MBNL2: variants seen among roughly 807,000 people sequenced by gnomAD.
MBNL2 encodes the protein muscleblind like splicing regulator 2.
MBNL2 carries 17 observed loss-of-function variants against 41.9 expected under a neutral mutation model. The ratio of observed to expected loss-of-function variants is 0.41; its 90% CI spans 0.28 to 0.61. MBNL2 has a LOEUF of 0.61. MBNL2 is among the 20% of genes least tolerant of loss of function. The pLI is 0.35. For synonymous variants in MBNL2, 195 were observed against 182.9 expected (o/e 1.07, Z -0.53); for missense variants, 336 against 505.6 (o/e 0.66, Z 3.22).
the MBNL2 span, among the ~76,000 whole-genome samples, chr13:97,190,555 T>C: frequency 1.3e-5 from 2 of 152,206 alleles, no homozygotes; most frequent in East Asian, 3.9e-4. Context: ...AGAAAAACAA[T>C]GGACTTAGAG....
intron 3 of MBNL2, among the ~76,000 whole-genome samples, chr13:97,336,347 A>G (rs1355560261): frequency 6.6e-6 from 1 of 152,212 alleles, no homozygotes; most frequent in Non-Finnish European, 1.5e-5. Context: ...CTAGTAGAGT[A>G]TACGTGGCTG....
chr13:97,223,349 T>C (rs2041086126), intron 1 of MBNL2, among the ~76,000 whole-genome samples: 1 of 152,134 alleles, frequency 6.6e-6, no homozygotes, highest in Admixed American at 6.5e-5. Context: ...CAGTGAGAAA[T>C]GATGGAGAAG....
the MBNL2 span, among the ~76,000 whole-genome samples, chr13:97,189,060 T>C: frequency 6.6e-6 from 1 of 151,964 alleles, no homozygotes; most frequent in Non-Finnish European, 1.5e-5. Flanking sequence ...ACCTTCTACT[T>C]CTGTATTTTT....
the MBNL2 span, among the ~76,000 whole-genome samples, chr13:97,198,666 C>T: frequency 6.6e-5 from 10 of 152,092 alleles, no homozygotes; most frequent in African/African-American, 2.4e-4. Context: ...TCTTCTCATT[C>T]GCAGTAAATG....
intron 1 of MBNL2, among the ~76,000 whole-genome samples, chr13:97,230,760 T>A (rs1293862572): frequency 6.6e-6 from 1 of 152,080 alleles, no homozygotes; most frequent in Non-Finnish European, 1.5e-5. Flanking sequence ...GTCTCCTGGG[T>A]TGAACTACTC....
At chr13:97,198,650 C>T in the MBNL2 span, among the ~76,000 whole-genome samples, 1,278 of 151,920 alleles carry the variant, frequency 8.4e-3, 59 homozygotes, top group Admixed American at 0.065. Flanking sequence ...TTTTCTTTTC[C>T]CATAGTCTTC....
chr13:97,237,242 C>G (rs1420236044), intron 1 of MBNL2, among the ~76,000 whole-genome samples: 1 of 152,208 alleles, frequency 6.6e-6, no homozygotes, highest in Non-Finnish European at 1.5e-5. Context: ...AACAATGGAC[C>G]AGAATTGCCT....
the MBNL2 span, among the ~76,000 whole-genome samples, chr13:97,146,174 T>A: frequency 1.3e-3 from 197 of 146,630 alleles, 1 homozygote; most frequent in Middle Eastern, 6.9e-3. Context: ...TTTTTTTTTT[T>A]AATATTTTAG....
At chr13:97,265,430 T>C (rs1404366984) in intron 1 of MBNL2, among the ~76,000 whole-genome samples, 1 of 152,156 alleles carries the variant, frequency 6.6e-6, no homozygotes, top group Non-Finnish European at 1.5e-5. Context: ...AATGAAGATA[T>C]CATTGTCAGA....
chr13:97,221,369 GAAATAAATAAAT>G (rs112515027), upstream of MBNL2: 3 of 150,926 alleles, frequency 2.0e-5, no homozygotes, highest in Admixed American at 6.6e-5. Context: ...TGTAGACTGG[GAAATAAATAAAT>G]AAATAAATAA....
chr13:97,363,446 G>GTGTA (rs1194507268), intron 7 of MBNL2, among the ~76,000 whole-genome samples: 1 of 150,536 alleles, frequency 6.6e-6, no homozygotes, highest in African/African-American at 2.4e-5. Context: ...GTGTGTGTGT[G>GTGTA]TGTGTGTGTG....
chr13:97,305,658 G>A (rs1310871587), intron 2 of MBNL2, among the ~76,000 whole-genome samples: 12 of 152,048 alleles, frequency 7.9e-5, no homozygotes, highest in South Asian at 4.2e-4. Flanking sequence ...CCAGTGACTC[G>A]GGAAGCTGAG....
chr13:97,228,457 C>T (rs758807764), intron 1 of MBNL2, among the ~76,000 whole-genome samples: 1 of 151,584 alleles, frequency 6.6e-6, no homozygotes, highest in Non-Finnish European at 1.5e-5. Flanking sequence ...TATGCAAATA[C>T]TGAGTGTACT....
At chr13:97,188,634 C>T in the MBNL2 span, among the ~76,000 whole-genome samples, 1 of 120,442 alleles carries the variant, frequency 8.3e-6, no homozygotes, top group Admixed American at 8.9e-5. Context: ...GAAAACCCAG[C>T]CAAAAGAGAA....
chr13:97,292,057 CG>C (rs2056191791), intron 2 of MBNL2, among the ~76,000 whole-genome samples: 1 of 149,912 alleles, frequency 6.7e-6, no homozygotes, highest in Non-Finnish European at 1.5e-5. Context: ...AAAAACTAGC[CG>C]GGTGTGATGG....
chr13:97,343,614 A>T (rs947134841), intron 4 of MBNL2, among the ~76,000 whole-genome samples: 1 of 152,190 alleles, frequency 6.6e-6, no homozygotes, highest in Non-Finnish European at 1.5e-5. Context: ...GAGCCCAGCA[A>T]CCAGGGCAGC....
chr13:97,294,839 T>C (rs940115803), intron 2 of MBNL2, among the ~76,000 whole-genome samples: 5 of 152,108 alleles, frequency 3.3e-5, no homozygotes, highest in Admixed American at 2.0e-4. Flanking sequence ...CAAGTCAGGA[T>C]AAAAAAAGAT....
chr13:97,316,305 G>A (rs931527891), intron 2 of MBNL2, among the ~76,000 whole-genome samples: 2 of 152,156 alleles, frequency 1.3e-5, no homozygotes, highest in African/African-American at 4.8e-5. Flanking sequence ...TTCTTCCCCT[G>A]GGTGACCACC....
At chr13:97,279,515 G>A (rs2052909408) in intron 2 of MBNL2, among the ~76,000 whole-genome samples, 1 of 152,146 alleles carries the variant, frequency 6.6e-6, no homozygotes, top group Non-Finnish European at 1.5e-5. Context: ...GCAAGATCTT[G>A]TGCCCAATTC....
Sources: gnomAD v4.1 joint callset for allele counts (sites outside exome capture counted in the v4.1 genomes callset) on GRCh38, gnomAD v4.1.1 for gene constraint, MANE v1.5 for transcripts, NCBI Gene and HGNC (gene_info 2026-07-23, HGNC 2026-07-21) for gene names.